Variants in DTNA observed in about 807,000 individuals in gnomAD.
The protein encoded by DTNA is dystrobrevin alpha, also known as dystrophin-related protein 3.
DTNA carries 43 observed loss-of-function variants against 100.7 expected under a neutral mutation model. The observed-to-expected ratio is 0.43, with a 90% confidence interval of 0.33 to 0.55. The LOEUF is 0.55. DTNA is among the 20% of genes least tolerant of loss of function. The pLI is 0.04. For synonymous variants in DTNA, 349 were observed against 347.9 expected (o/e 1.00, Z -0.04); for missense variants, 798 against 953.9 (o/e 0.84, Z 2.15).
chr18:34,588,499 C>G (rs779838587), intron 1 of DTNA, among the ~76,000 whole-genome samples: 5 of 152,120 alleles, frequency 3.3e-5, no homozygotes, highest in Non-Finnish European at 5.9e-5. Context: ...TTTCTTAAAA[C>G]CAACATAAGT....
intron 1 of DTNA, among the ~76,000 whole-genome samples, chr18:34,565,567 G>T (rs2047010488): frequency 1.3e-5 from 2 of 152,216 alleles, no homozygotes; most frequent in African/African-American, 4.8e-5. Flanking sequence ...TAAGTGGGTG[G>T]TTCCTCCCTT....
chr18:34,682,194 T>C (rs1251443989), intron 1 of DTNA, among the ~76,000 whole-genome samples: 1 of 152,200 alleles, frequency 6.6e-6, no homozygotes, highest in Non-Finnish European at 1.5e-5. Flanking sequence ...AATTTATCTA[T>C]TAACCTATTG....
chr18:34,844,846 A>G (rs926186225), intron 13 of DTNA, among the ~76,000 whole-genome samples: 1 of 152,132 alleles, frequency 6.6e-6, no homozygotes, highest in Non-Finnish European at 1.5e-5. Context: ...ACACTTTCAT[A>G]AGCCCTAGCT....
At chr18:34,526,420 T>C (rs1220324757) in intron 1 of DTNA, among the ~76,000 whole-genome samples, 2 of 152,088 alleles carry the variant, frequency 1.3e-5, no homozygotes, top group African/African-American at 4.8e-5. Flanking sequence ...GCAATTAGGT[T>C]CAAACATTAT....
chr18:34,823,702 G>C (rs1268431420), intron 9 of DTNA, among the ~76,000 whole-genome samples: 1 of 152,066 alleles, frequency 6.6e-6, no homozygotes, highest in Non-Finnish European at 1.5e-5. Flanking sequence ...CTTTCCCCTT[G>C]CTTTACTAAA....
At chr18:34,671,606 C>T (rs1162129129) in intron 1 of DTNA, among the ~76,000 whole-genome samples, 1 of 152,224 alleles carries the variant, frequency 6.6e-6, no homozygotes, top group African/African-American at 2.4e-5. Context: ...AAGTACGGTA[C>T]TCTGCATGCA....
intron 16 of DTNA, among the ~76,000 whole-genome samples, chr18:34,863,100 C>G (rs1234533655): frequency 1.3e-5 from 2 of 152,160 alleles, no homozygotes; most frequent in African/African-American, 4.8e-5. Context: ...ATATGTATTA[C>G]TTATTCAGTA....
At position 34,551,598 on chromosome 18, in the gene DTNA, G is replaced by A. The variant is rs573775720; in HGVS notation, c.-2+58084G>A. On this transcript the variant is annotated intron_variant, in intron 1 of 19. Coordinates refer to the DTNA transcript ENST00000283365. ...GAACTCATTGCTGCATTGTTCCTCA[G>A]AGGCTGAGGTCCCTAGCAGCCTGTC... is the stretch of plus-strand genomic sequence containing the variant. 1.3e-4 allele frequency among the ~76,000 whole-genome samples: 20 copies of A among 152,204 alleles called. 1 individual carries two copies. In the East Asian group the frequency reaches 3.9e-3, roughly 30 times the overall value.
intron 5 of DTNA, among the ~76,000 whole-genome samples, chr18:34,810,110 C>G (rs531585185): frequency 6.6e-6 from 1 of 152,260 alleles, no homozygotes; most frequent in South Asian, 2.1e-4. Context: ...ATTCTAAATC[C>G]AATGCTGTAA....
intron 1 of DTNA, among the ~76,000 whole-genome samples, chr18:34,591,057 G>A (rs2049668793): frequency 6.6e-6 from 1 of 152,030 alleles, no homozygotes; most frequent in Non-Finnish European, 1.5e-5. Context: ...AGTTCGATAA[G>A]GAAAATTATT....
chr18:34,694,130 A>G (rs901950817), intron 1 of DTNA, among the ~76,000 whole-genome samples: 2 of 134,694 alleles, frequency 1.5e-5, no homozygotes, highest in Non-Finnish European at 3.0e-5. Flanking sequence ...AGTATTTTAG[A>G]AAAAAAAATG....
chr18:34,885,883 C>T (rs1294620891), intron 22 of DTNA, among the ~76,000 whole-genome samples: 2 of 152,224 alleles, frequency 1.3e-5, no homozygotes, highest in Admixed American at 6.5e-5. Context: ...ATAAACAAGG[C>T]TAGGATGCAG....
chr18:34,654,829 C>G (rs1043424242), intron 1 of DTNA, among the ~76,000 whole-genome samples: 1 of 151,944 alleles, frequency 6.6e-6, no homozygotes, highest in African/African-American at 2.4e-5. Context: ...TGGGTTCAAG[C>G]GATTCTCCTG....
intron 1 of DTNA, among the ~76,000 whole-genome samples, chr18:34,730,940 A>G (rs535648704): frequency 3.3e-5 from 5 of 152,262 alleles, no homozygotes; most frequent in South Asian, 2.1e-4. Flanking sequence ...AGAAACCTCT[A>G]TCTGCTTTTT....
intron 1 of DTNA, among the ~76,000 whole-genome samples, chr18:34,746,192 G>A (rs191010659): frequency 2.0e-5 from 3 of 146,958 alleles, no homozygotes; most frequent in East Asian, 2.0e-4. Context: ...TTTGGGGGGG[G>A]GACTTTTTAA....
At chr18:34,692,789 G>C (rs1417258617) in intron 1 of DTNA, among the ~76,000 whole-genome samples, 1 of 152,196 alleles carries the variant, frequency 6.6e-6, no homozygotes, top group Non-Finnish European at 1.5e-5. Flanking sequence ...TAGACTGATA[G>C]AATTTTAGTG....
intron 3 of DTNA, among the ~76,000 whole-genome samples, chr18:34,774,536 A>G (rs753416349): frequency 1.8e-4 from 27 of 152,190 alleles, no homozygotes; most frequent in Non-Finnish European, 1.0e-4. Flanking sequence ...TATTCACTCC[A>G]TAAATAGAGA....
At chr18:34,529,478 T>A (rs1447423633) in intron 1 of DTNA, among the ~76,000 whole-genome samples, 1 of 152,102 alleles carries the variant, frequency 6.6e-6, no homozygotes, top group African/African-American at 2.4e-5. Context: ...AACAAAGATT[T>A]GCCTCAAGAT....
rs140766533 is a variant in DTNA at position 34,641,040 on chromosome 18, G to A, written c.-1-114936G>A. Among the ~76,000 whole-genome samples the A allele has an allele frequency of 5.1e-3, 774 of 151,858 alleles. 5 individuals carry two copies. The highest frequency in any genetic ancestry group is 0.023 in the South Asian group (110 of 4,790). ...AAGACTTTATTATTAATCAAATAAC[G>A]GATGTGCTATTTTATAATAAATGTT... is the stretch of plus-strand genomic sequence containing the variant. On this transcript the variant is annotated intron_variant, in intron 1 of 19. Coordinates refer to the DTNA transcript ENST00000283365.
Sources: allele counts gnomAD v4.1 joint callset (sites outside exome capture counted in the v4.1 genomes callset), GRCh38; gene constraint gnomAD v4.1.1; transcripts MANE v1.5; gene names NCBI Gene and HGNC (gene_info 2026-07-23, HGNC 2026-07-21).